The following ORC5 variants were observed in gnomAD, a reference collection of about 807,000 sequenced individuals.
ORC5 encodes the protein origin recognition complex subunit 5, also known as protein phosphatase 1, regulatory subunit 117.
A neutral mutation model predicts 58.8 loss-of-function variants in ORC5; 39 were observed. The ratio of observed to expected loss-of-function variants is 0.66; its 90% CI spans 0.51 to 0.87. The LOEUF (loss-of-function observed/expected upper bound fraction) is 0.87. Among genes scored for constraint, ORC5 ranks in the 40% least tolerant of loss-of-function variants. The probability of loss-of-function intolerance (pLI) is 0.00; values close to 1 mark genes in which losing one functional copy is unlikely to be tolerated. For synonymous variants in ORC5, 218 were observed against 177.6 expected (o/e 1.23, Z -1.81); for missense variants, 493 against 506.3 (o/e 0.97, Z 0.25).
At chr7:104,128,715 C>G (rs1798468155) in intron 13 of ORC5, among the ~76,000 whole-genome samples, 1 of 135,694 alleles carries the variant, frequency 7.4e-6, no homozygotes. Flanking sequence ...GTGATGTTCC[C>G]CTTCCTGTGT....
At chr7:104,127,836 A>T (rs895192339) in intron 13 of ORC5, among the ~76,000 whole-genome samples, 3 of 152,226 alleles carry the variant, frequency 2.0e-5, no homozygotes, top group African/African-American at 7.2e-5. Context: ...TTATGAAAAC[A>T]CATTTAAAAA....
At chr7:104,144,995 G>A (rs933659052) in intron 12 of ORC5, among the ~76,000 whole-genome samples, 2 of 152,126 alleles carry the variant, frequency 1.3e-5, no homozygotes, top group Non-Finnish European at 2.9e-5. Context: ...AGGTGGGGCC[G>A]AGCCTTTCCC....
At chr7:104,183,642 T>C (rs1799481164) in intron 8 of ORC5, among the ~76,000 whole-genome samples, 1 of 152,234 alleles carries the variant, frequency 6.6e-6, no homozygotes, top group African/African-American at 2.4e-5. Flanking sequence ...TGAGGACATC[T>C]GCCAGGCAAA....
At chr7:104,163,820 A>C (rs1799063474) in intron 11 of ORC5, among the ~76,000 whole-genome samples, 2 of 152,204 alleles carry the variant, frequency 1.3e-5, no homozygotes, top group Non-Finnish European at 2.9e-5. Context: ...AAGCATAGCT[A>C]GTCTATCCTA....
chr7:104,150,049 T>C (rs1216761679), intron 12 of ORC5, among the ~76,000 whole-genome samples: 1 of 152,090 alleles, frequency 6.6e-6, no homozygotes, highest in Non-Finnish European at 1.5e-5. Context: ...TGTACCACAG[T>C]GAGGATTTTT....
At chr7:104,179,581 TAG>T (rs1799393231) in intron 8 of ORC5, among the ~76,000 whole-genome samples, 1 of 149,408 alleles carries the variant, frequency 6.7e-6, no homozygotes, top group Admixed American at 6.6e-5. Flanking sequence ...TAGTAAAAAT[TAG>T]AGGTTTTCAC....
At chr7:104,137,409 A>C (rs1798608066) in intron 12 of ORC5, among the ~76,000 whole-genome samples, 1 of 151,896 alleles carries the variant, frequency 6.6e-6, no homozygotes, top group Admixed American at 6.6e-5. Flanking sequence ...GGGGGCAGGG[A>C]AGTGCTGGGC....
intron 8 of ORC5, among the ~76,000 whole-genome samples, chr7:104,176,339 G>GCATAGACAGGGAAAGC (rs2115929432): frequency 6.6e-6 from 1 of 152,292 alleles, no homozygotes; most frequent in Non-Finnish European, 1.5e-5. Flanking sequence ...TCTGGGAAAG[G>GCATAGACAGGGAAAGC]CATAGACAGG....
chr7:104,204,949 T>C (rs1463872058), intron 1 of ORC5, among the ~76,000 whole-genome samples: 1 of 152,164 alleles, frequency 6.6e-6, no homozygotes, highest in Non-Finnish European at 1.5e-5. Context: ...ACGCTTTCAT[T>C]AGATACCTAC....
intron 12 of ORC5, among the ~76,000 whole-genome samples, chr7:104,152,549 G>C (rs1798863237): frequency 1.3e-5 from 2 of 152,036 alleles, no homozygotes; most frequent in African/African-American, 4.8e-5. Flanking sequence ...AAACAATCTA[G>C]TCATTAAGTT....
intron 8 of ORC5, among the ~76,000 whole-genome samples, chr7:104,169,747 C>A (rs530594942): frequency 4.6e-5 from 7 of 152,118 alleles, no homozygotes; most frequent in Non-Finnish European, 1.0e-4. Context: ...TTCTTTGATG[C>A]CCATCTCTCA....
chr7:104,160,998 C>A, intron 12 of ORC5, 74 bp downstream of exon 12: 1 of 831,390 alleles, frequency 1.2e-6, no homozygotes, highest in Non-Finnish European at 2.1e-6. Context: ...AATCTGAATG[C>A]CTGGAATTCT....
In ORC5 at chr7:104,197,817, AC is replaced by A. The variant is rs774669927; in HGVS notation, c.367-19del. ...TCTAGAACCTTTAAAAAACAAAAAA[AC>A]AAAACAAAAAGAAATGCATTTACAA... is the stretch of plus-strand genomic sequence containing the variant. On this transcript the variant is annotated intron_variant, in intron 3 of 13. Transcript: ENST00000297431. The A allele has an allele frequency of 2.1e-5, 31 of 1,477,028 alleles. No individual in the cohort carries two copies. Among genetic ancestry groups the A allele is most frequent in the South Asian group, 1.2e-4 (9 of 76,938 alleles). The allele number at this position is 1,477,028 out of a possible 1,614,324, so 91.5% of individuals were successfully genotyped here. A position where few individuals can be genotyped will look rare whatever the true frequency, so the allele number is the denominator to read the frequency against.
chr7:104,141,680 A>T (rs75321921), intron 12 of ORC5, among the ~76,000 whole-genome samples: 1 of 152,212 alleles, frequency 6.6e-6, no homozygotes, highest in African/African-American at 2.4e-5. Flanking sequence ...TACACTTACA[A>T]TGAACTATCA....
chr7:104,187,409 C>G (rs775391801), intron 6 of ORC5: 4 of 151,952 alleles, frequency 2.6e-5, no homozygotes, highest in Non-Finnish European at 5.9e-5. Context: ...TGTGTTCTGT[C>G]GCAAACACAC....
At chr7:104,188,078 G>T in intron 6 of ORC5, 173 bp downstream of exon 6, 1 of 955,918 alleles carries the variant, frequency 1.0e-6, no homozygotes, top group Non-Finnish European at 1.4e-6. Flanking sequence ...ACCTTCTTAT[G>T]GTATGTTAGT....
intron 8 of ORC5, among the ~76,000 whole-genome samples, chr7:104,179,188 A>C (rs1400271576): frequency 6.6e-6 from 1 of 150,520 alleles, no homozygotes; most frequent in Non-Finnish European, 1.5e-5. Flanking sequence ...TGCTCAAGCA[A>C]TTGTCCTGCC....
intron 3 of ORC5, among the ~76,000 whole-genome samples, chr7:104,199,431 C>A (rs564132110): frequency 6.6e-6 from 1 of 152,252 alleles, no homozygotes; most frequent in African/African-American, 2.4e-5. Context: ...CTGCATGAGG[C>A]TGTGGGAGCC....
At chr7:104,205,816 C>T (rs541339337) in intron 1 of ORC5, among the ~76,000 whole-genome samples, 27 of 152,220 alleles carry the variant, frequency 1.8e-4, no homozygotes, top group African/African-American at 5.8e-4. Context: ...CAGGAGTTCG[C>T]CTGGGAAATA....
Sources: allele counts gnomAD v4.1 joint callset (sites outside exome capture counted in the v4.1 genomes callset), GRCh38; gene constraint gnomAD v4.1.1; transcripts MANE v1.5; gene names NCBI Gene and HGNC (gene_info 2026-07-23, HGNC 2026-07-21).